Variants in FGF14 observed in about 807,000 individuals in gnomAD.
FGF14 encodes fibroblast growth factor 14.
A neutral mutation model predicts 25.5 loss-of-function variants in FGF14; 5 were observed. The ratio of observed to expected loss-of-function variants is 0.20; its 90% CI spans 0.10 to 0.41. The LOEUF is 0.41. Ranked by LOEUF, FGF14 falls within the 10% of genes least tolerant of loss-of-function variation. The pLI is 1.00. For synonymous variants in FGF14, 138 were observed against 118.3 expected, an observed-to-expected ratio of 1.17 and a Z score of -1.08; for missense variants, 222 against 320.1, an observed-to-expected ratio of 0.69 and a Z score of 2.34.
intron 1 of FGF14, among the ~76,000 whole-genome samples, chr13:102,202,311 TGCCAAGG>T (rs1344980070): frequency 6.6e-6 from 1 of 152,156 alleles, no homozygotes; most frequent in African/African-American, 2.4e-5. Context: ...AAACAGTTAG[TGCCAAGG>T]GCCTATAAGG....
intron 1 of FGF14, among the ~76,000 whole-genome samples, chr13:102,055,408 CTTTG>C (rs1279412285): frequency 2.0e-5 from 3 of 152,110 alleles, no homozygotes; most frequent in Admixed American, 6.5e-5. Context: ...TTTCATAGTA[CTTTG>C]TTTGTTCTCC....
Position 101,777,879 on chromosome 13 carries a change from G to T in FGF14, c.409-51069C>A, listed in dbSNP as rs147689677. 4.0e-3 allele frequency among the ~76,000 whole-genome samples: 611 copies of T among 152,172 alleles called. 4 individuals are homozygous for T. Among genetic ancestry groups the T allele is most frequent in the African/African-American group, 0.014 (595 of 41,520 alleles). On this transcript the variant is annotated intron_variant, in intron 3 of 4. Coordinates refer to ENST00000376143, the MANE Select transcript of FGF14 (RefSeq NM_004115.4). ...GTCGGGAGGCTAGGGTAGGAGAATCGCTTGAACCCAGGAGGTGGAGGTTGC... is the reference window on the plus strand; with the variant it reads ...GTCGGGAGGCTAGGGTAGGAGAATCTCTTGAACCCAGGAGGTGGAGGTTGC...
intron 3 of FGF14, among the ~76,000 whole-genome samples, chr13:101,802,977 C>T (rs774473320): frequency 1.5e-4 from 23 of 152,122 alleles, no homozygotes; most frequent in Admixed American, 9.8e-4. Flanking sequence ...GGACCTGCTG[C>T]CACTGCAATG....
At chr13:102,004,033 G>GT (rs1433628131) in intron 1 of FGF14, among the ~76,000 whole-genome samples, 1 of 152,134 alleles carries the variant, frequency 6.6e-6, no homozygotes. Context: ...TGACAGGAAA[G>GT]TTGCCAAGTT....
At chr13:102,040,278 A>C (rs1365094426) in intron 1 of FGF14, among the ~76,000 whole-genome samples, 1 of 152,106 alleles carries the variant, frequency 6.6e-6, no homozygotes, top group African/African-American at 2.4e-5. Flanking sequence ...TTTCTTCCTT[A>C]TTAGCTCACA....
intron 1 of FGF14, among the ~76,000 whole-genome samples, chr13:102,267,082 A>C (rs948130580): frequency 6.6e-6 from 1 of 152,216 alleles, no homozygotes; most frequent in Admixed American, 6.5e-5. Flanking sequence ...TGGAAAGTTA[A>C]CTGAAGATTC....
chr13:102,242,711 A>G (rs2051664887), intron 1 of FGF14, among the ~76,000 whole-genome samples: 1 of 152,082 alleles, frequency 6.6e-6, no homozygotes, highest in African/African-American at 2.4e-5. Flanking sequence ...TTGGGGGAAC[A>G]CATTCAAACC....
intron 1 of FGF14, among the ~76,000 whole-genome samples, chr13:102,311,481 G>C (rs1019630909): frequency 1.3e-5 from 2 of 152,146 alleles, no homozygotes; most frequent in Non-Finnish European, 2.9e-5. Flanking sequence ...CCCCACAGCT[G>C]AATCGGGCCG....
At chr13:102,086,379 T>C (rs538523120) in intron 1 of FGF14, among the ~76,000 whole-genome samples, 2 of 151,562 alleles carry the variant, frequency 1.3e-5, no homozygotes, top group Non-Finnish European at 2.9e-5. Context: ...AAATACAAAA[T>C]ATTAGCCGGG....
intron 1 of FGF14, among the ~76,000 whole-genome samples, chr13:102,377,840 C>T (rs2058077069): frequency 6.6e-6 from 1 of 152,130 alleles, no homozygotes; most frequent in South Asian, 2.1e-4. Context: ...GCACAGATAA[C>T]TTGACAATTT....
At chr13:101,957,156 G>A (rs989886479) in intron 1 of FGF14, among the ~76,000 whole-genome samples, 1 of 152,102 alleles carries the variant, frequency 6.6e-6, no homozygotes, top group Admixed American at 6.6e-5. Context: ...ATTGAGATAT[G>A]TGAAGTATAA....
At chr13:102,162,299 C>T (rs1017896329) in intron 1 of FGF14, among the ~76,000 whole-genome samples, 1 of 152,108 alleles carries the variant, frequency 6.6e-6, no homozygotes. Flanking sequence ...CACAGGAATA[C>T]ATTTACTGAA....
At chr13:102,027,341 AT>A (rs887823341) in intron 1 of FGF14, among the ~76,000 whole-genome samples, 4 of 151,262 alleles carry the variant, frequency 2.6e-5, no homozygotes, top group African/African-American at 7.3e-5. Context: ...TCCACAGAGG[AT>A]TTTTTTCTTT....
chr13:101,854,981 T>C lies in FGF14; in HGVS notation c.408+13744A>G, dbSNP rs79325805. Among the ~76,000 whole-genome samples, 7 of 152,018 alleles carry C rather than the reference T, an allele frequency of 4.6e-5. No individual in the cohort carries two copies. In the East Asian group the frequency reaches 1.4e-3, roughly 29 times the overall value. ...ATATCAGAATACCAAATTTTATGTG[T>C]GTACCCTTCCCATTGTGTAGGAAAG... is the stretch of plus-strand genomic sequence containing the variant. On this transcript the variant is annotated intron_variant, in intron 3 of 4. Coordinates refer to ENST00000376143, the MANE Select transcript of FGF14 (RefSeq NM_004115.4).
intron 1 of FGF14, among the ~76,000 whole-genome samples, chr13:102,068,759 A>C (rs939164623): frequency 4.0e-5 from 6 of 151,654 alleles, no homozygotes; most frequent in Admixed American, 1.3e-4. Flanking sequence ...CCTCCCACCC[A>C]CTCCATGGGC....
At chr13:101,973,144 A>G (rs974454633) in intron 1 of FGF14, among the ~76,000 whole-genome samples, 1 of 83,550 alleles carries the variant, frequency 1.2e-5, no homozygotes, top group Non-Finnish European at 2.6e-5. Flanking sequence ...TTTTGCCTTT[A>G]TTGCTATGTT....
At chr13:102,171,818 C>T (rs2048256799) in intron 1 of FGF14, among the ~76,000 whole-genome samples, 4 of 151,622 alleles carry the variant, frequency 2.6e-5, no homozygotes, top group Admixed American at 1.3e-4. Flanking sequence ...CCAAGATACA[C>T]TCATGAGTTG....
At chr13:102,377,419 T>C (rs762081532) in intron 1 of FGF14, among the ~76,000 whole-genome samples, 1 of 152,200 alleles carries the variant, frequency 6.6e-6, no homozygotes, top group African/African-American at 2.4e-5. Context: ...ACATACATTA[T>C]AAAAGTCTAG....
chr13:101,929,167 C>T (rs750418898), intron 1 of FGF14, among the ~76,000 whole-genome samples: 13 of 152,130 alleles, frequency 8.5e-5, no homozygotes, highest in Admixed American at 3.9e-4. Flanking sequence ...TTGACATAGG[C>T]GCTTGTGCCT....
Sources: allele counts gnomAD v4.1 joint callset (sites outside exome capture counted in the v4.1 genomes callset), GRCh38; gene constraint gnomAD v4.1.1; transcripts MANE v1.5; gene names NCBI Gene and HGNC (gene_info 2026-07-23, HGNC 2026-07-21).